The following RDX variants were observed in gnomAD, a reference collection of about 807,000 sequenced individuals.
RDX encodes radixin.
RDX carries 32 observed loss-of-function variants against 83.7 expected under a neutral mutation model. The ratio of observed to expected loss-of-function variants is 0.38; its 90% CI spans 0.29 to 0.51. The LOEUF (loss-of-function observed/expected upper bound fraction) is 0.51, where lower values mean the gene tolerates loss of function less well. RDX is among the 20% of genes least tolerant of loss of function. The pLI is 0.87. For missense variants in RDX, 600 were observed against 689.9 expected, an observed-to-expected ratio of 0.87 and a Z score of 1.46; for synonymous variants, 229 against 222.7, an observed-to-expected ratio of 1.03 and a Z score of -0.25.
At chr11:110,243,778 G>A (rs569150313) in intron 10 of RDX, among the ~76,000 whole-genome samples, 106 of 151,608 alleles carry the variant, frequency 7.0e-4, no homozygotes, top group African/African-American at 2.1e-3. Flanking sequence ...GACACTCAAC[G>A]TCACCAGGTA....
intron 5 of RDX, among the ~76,000 whole-genome samples, chr11:110,260,919 CTG>C (rs776427754): frequency 1.7e-4 from 26 of 151,998 alleles, no homozygotes; most frequent in Non-Finnish European, 3.2e-4. Flanking sequence ...CTTTTCATTG[CTG>C]TGTTATTTTT....
chr11:110,277,924 T>A (rs1029851442), intron 2 of RDX, among the ~76,000 whole-genome samples: 9 of 152,232 alleles, frequency 5.9e-5, no homozygotes, highest in African/African-American at 1.7e-4. Context: ...TGTTTTACAG[T>A]TTGAGCTTTT....
intron 9 of RDX, among the ~76,000 whole-genome samples, chr11:110,248,357 A>G (rs980023338): frequency 2.0e-5 from 3 of 152,224 alleles, no homozygotes; most frequent in Admixed American, 1.3e-4. Flanking sequence ...TCAAAATAGC[A>G]TATGTAGTTA....
rs1306550664 is a variant in RDX at position 110,244,845 on chromosome 11, T to G, written c.1090+2858A>C. 3.7e-4 allele frequency among the ~76,000 whole-genome samples: 56 copies of G among 152,128 alleles called. 2 individuals are homozygous for G. The highest frequency in any genetic ancestry group is 3.7e-3 in the Admixed American group (56 of 15,254). ...TTATAAGAAAAAGAGAAAAGGAGACTGTGTGAGGGCAGATAATTTTGTCTA... is the reference window on the plus strand; with the variant it reads ...TTATAAGAAAAAGAGAAAAGGAGACGGTGTGAGGGCAGATAATTTTGTCTA... On this transcript the variant is annotated intron_variant, in intron 10 of 13. Transcript: ENST00000645495.
At chr11:110,202,479 C>T (rs1863448537) in intron 14 of RDX, among the ~76,000 whole-genome samples, 1 of 152,020 alleles carries the variant, frequency 6.6e-6, no homozygotes, top group South Asian at 2.1e-4. Flanking sequence ...AGTGCAGTGA[C>T]ATGATCATGG....
At chr11:110,215,277 G>T in intron 14 of RDX, among the ~76,000 whole-genome samples, 1 of 150,072 alleles carries the variant, frequency 6.7e-6, no homozygotes. Flanking sequence ...GCAGGAGAAT[G>T]GCATGAACCC....
intron 14 of RDX, among the ~76,000 whole-genome samples, chr11:110,211,212 A>C (rs1261613577): frequency 6.6e-6 from 1 of 152,238 alleles, no homozygotes; most frequent in Non-Finnish European, 1.5e-5. Context: ...AACAGACTTT[A>C]AACCAACAAA....
intron 15 of RDX, among the ~76,000 whole-genome samples, chr11:110,178,868 G>A (rs932553552): frequency 6.6e-6 from 1 of 152,140 alleles, no homozygotes; most frequent in Non-Finnish European, 1.5e-5. Flanking sequence ...GCTTTGGCTG[G>A]CACAACCTGT....
rs910173155 is a variant in RDX at position 110,264,993 on chromosome 11, A to C, written c.97-119T>G. 4.8e-6 allele frequency: 3 copies of C among 623,006 alleles called. No individual in the cohort carries two copies. In the Admixed American group the frequency reaches 8.0e-5, roughly 17 times the overall value. 38.6% of individuals were successfully genotyped at this position (623,006 alleles called of 1,614,324 possible). ...GTAAGTATACGTATATTCCTTTGCC[A>C]TAGAAAAGGCTTTCCCTAAATTTAA... is the stretch of plus-strand genomic sequence containing the variant. On this transcript the variant is annotated intron_variant, in intron 3 of 13. Coordinates refer to ENST00000645495, the MANE Select transcript of RDX (RefSeq NM_002906.4).
intron 1 of RDX, among the ~76,000 whole-genome samples, chr11:110,281,062 G>C (rs902914860): frequency 6.6e-6 from 1 of 151,936 alleles, no homozygotes; most frequent in Non-Finnish European, 1.5e-5. Flanking sequence ...CTACTCAGGA[G>C]GCTGAGGCAG....
chr11:110,239,030 G>A (rs1309526530), intron 10 of RDX, among the ~76,000 whole-genome samples: 2 of 151,842 alleles, frequency 1.3e-5, no homozygotes, highest in African/African-American at 4.8e-5. Context: ...TGTAATCCCA[G>A]CACTTTCGAA....
chr11:110,194,506 C>T (rs1053088664), intron 15 of RDX, among the ~76,000 whole-genome samples: 1 of 152,206 alleles, frequency 6.6e-6, no homozygotes, highest in Admixed American at 6.5e-5. Flanking sequence ...AGGGGTGAGT[C>T]ACTGCACCCA....
At chr11:110,235,010 G>GTGCTA (rs1371556082) in intron 12 of RDX, among the ~76,000 whole-genome samples, 1 of 151,920 alleles carries the variant, frequency 6.6e-6, no homozygotes, top group Admixed American at 6.6e-5. Context: ...TTACAATTGT[G>GTGCTA]TGCTACTTTA....
Position 110,219,188 on chromosome 11 carries a change from A to G in RDX, c.1748+12685T>C, listed in dbSNP as rs77710199. On this transcript the variant is annotated intron_variant, in intron 14 of 15. Coordinates refer to the RDX transcript ENST00000528498. The stretch of plus-strand genomic sequence containing the variant: ...CCTGGAGGTGGCAAGGGAGTGAATC[A>G]TAACAATATCTGGGAAAGTGTCTTC... Among the ~76,000 whole-genome samples, 633 of 152,336 alleles carry G rather than the reference A, an allele frequency of 4.2e-3. 6 individuals carry two copies. Among genetic ancestry groups the G allele is most frequent in the African/African-American group, 0.014 (581 of 41,576 alleles).
rs372259451 is a variant in RDX, at chr11:110,281,455, T to C, written c.-64-1699A>G. 1.6e-4 allele frequency among the ~76,000 whole-genome samples: 25 copies of C among 152,110 alleles called. No homozygotes were observed. The East Asian group carries it at 2.5e-3, about 15-fold the overall frequency. On this transcript the variant is annotated intron_variant, in intron 1 of 13. Transcript: ENST00000645495. ...AGCGATTCTCCTGCTTCAGCCTCCA[T>C]AGCTGGAATTACAAGCGTCCACCAC...
intron 10 of RDX, among the ~76,000 whole-genome samples, chr11:110,246,074 T>C (rs1859094997): frequency 6.6e-6 from 1 of 152,176 alleles, no homozygotes; most frequent in African/African-American, 2.4e-5. Flanking sequence ...ACTTTTATTT[T>C]TCGGAGAGAT....
At chr11:110,279,877 G>T in intron 1 of RDX, 121 bp from the exon 2 acceptor site, 2 of 526,156 alleles carry the variant, frequency 3.8e-6, no homozygotes, top group South Asian at 5.0e-5. Context: ...AACAAGGAGT[G>T]ATTTCATTCT....
At chr11:110,239,589 C>T (rs1864999843) in intron 10 of RDX, among the ~76,000 whole-genome samples, 1 of 152,132 alleles carries the variant, frequency 6.6e-6, no homozygotes, top group Middle Eastern at 3.2e-3. Flanking sequence ...ATGTTCATCA[C>T]TATAATCACA....
chr11:110,242,389 G>A (rs1466927885), intron 10 of RDX, among the ~76,000 whole-genome samples: 1 of 148,716 alleles, frequency 6.7e-6, no homozygotes, highest in African/African-American at 2.5e-5. Context: ...ACCCGAGATT[G>A]CACAATCGCA....
Sources: allele counts gnomAD v4.1 joint callset (sites outside exome capture counted in the v4.1 genomes callset), GRCh38; gene constraint gnomAD v4.1.1; transcripts MANE v1.5; gene names NCBI Gene and HGNC (gene_info 2026-07-23, HGNC 2026-07-21).